The following CARD19 variants were observed in gnomAD, a reference collection of about 807,000 sequenced individuals.
The protein encoded by CARD19 is caspase recruitment domain-containing protein 19.
CARD19 carries 25 observed loss-of-function variants against 24.1 expected under a neutral mutation model. That is an observed-to-expected ratio of 1.04 (90% confidence interval 0.76 to 1.45). The LOEUF is 1.45. Ranked by LOEUF, CARD19 falls within the 40% of genes most tolerant of loss-of-function variation. The pLI is 0.00. For synonymous variants in CARD19, 103 were observed against 104.9 expected (o/e 0.98, Z 0.11); for missense variants, 241 against 247.4 (o/e 0.97, Z 0.17).
rs1054732937 is a variant in CARD19 at position 93,113,129 on chromosome 9, C to T, written c.*22C>T. On this transcript the variant is annotated 3_prime_UTR_variant, in exon 6 of 6. Coordinates refer to ENST00000375464, the MANE Select transcript of CARD19 (RefSeq NM_032310.5). ...CTGACAGACCCTGGACCCAGGGCCT[C>T]ACCTGCCACTCAACCAAAGAGTCCT... 6 of 1,482,418 alleles carry T rather than the reference C, an allele frequency of 4.0e-6. No homozygotes were observed. In the East Asian group the frequency reaches 1.5e-4, roughly 37 times the overall value. 91.8% of individuals were successfully genotyped at this position (1,482,418 alleles called of 1,614,324 possible). A position where few individuals can be genotyped will look rare whatever the true frequency, so the allele number is the denominator to read the frequency against.
chr9:93,110,689 T>G lies in CARD19; in HGVS notation c.272T>G (p.Leu91Arg), dbSNP rs1460012821. ...YRALYIHAQP[L>R]HSRLPSRHAL... ...GCCCTGTATATCCATGCCCAGCCCC[T>G]GCACAGCCGCCTGCCCAGCCGCCAC... Residue 91 changes from leucine to arginine, a missense_variant, in exon 3 of 6, where the codon CTG (leucine) becomes CGG (arginine). Leu to Arg is a moderately radical substitution (Grantham distance 102, BLOSUM62 -2). Transcript: ENST00000375464. 1 of 1,612,552 alleles carries G rather than the reference T, an allele frequency of 6.2e-7. No individual in the cohort carries two copies. Among genetic ancestry groups the G allele is most frequent in the South Asian group, 1.1e-5 (1 of 91,086 alleles).
In CARD19 at chr9:93,107,757, A is replaced by C. The variant is rs777400284; in HGVS notation, c.91A>C (p.Ile31Leu). ...GRLSEQQVDRIILQLNRYYPQ... is the reference protein window; with the variant it reads ...GRLSEQQVDRLILQLNRYYPQ... ...CTTGAGTGAGCAGCAGGTGGACAGG[A>C]TCATCCTCCAGCTGAACCGTTACTA... The change falls in exon 2 of 6, where the codon ATC becomes CTC. Residue 31 changes from isoleucine (I) to leucine (L), a missense_variant. Ile to Leu is a conservative substitution (Grantham distance 5). Coordinates refer to ENST00000375464, the MANE Select transcript of CARD19 (RefSeq NM_032310.5). 2 of 1,614,216 alleles carry C rather than the reference A, an allele frequency of 1.2e-6. No homozygotes were observed. Among genetic ancestry groups the C allele is most frequent in the South Asian group, 2.2e-5 (2 of 91,086 alleles).
In CARD19 at chr9:93,112,388, C is replaced by A. The variant is rs936380629; in HGVS notation, c.436+99C>A. On this transcript the variant is annotated intron_variant, in intron 5 of 5. Transcript: ENST00000375464. ...CCAATTTGGGACCCCTTGGCCTCTT[C>A]GTACCTCGGTGTCCACACTTGTGCA... is the stretch of plus-strand genomic sequence containing the variant. 1.1e-5 allele frequency: 11 copies of A among 971,870 alleles called. No individual in the cohort carries two copies. In the Admixed American group the frequency reaches 1.2e-4, roughly 11 times the overall value. 60.2% of individuals were successfully genotyped at this position (971,870 alleles called of 1,614,324 possible). A position where few individuals can be genotyped will look rare whatever the true frequency, so the allele number is the denominator to read the frequency against.
At chr9:93,104,178 C>T (rs1365199757) in intron 1 of CARD19, among the ~76,000 whole-genome samples, 1 of 152,148 alleles carries the variant, frequency 6.6e-6, no homozygotes, top group East Asian at 1.9e-4. Context: ...TCAATGTATA[C>T]TTCTTTTAAT....
intron 1 of CARD19, among the ~76,000 whole-genome samples, chr9:93,105,300 A>T (rs1456033979): frequency 2.0e-5 from 3 of 151,928 alleles, no homozygotes; most frequent in East Asian, 3.9e-4. Context: ...TGTTTGTTTG[A>T]GACAGAGTCT....
Position 93,107,824 on chromosome 9 carries a change from G to A in CARD19, c.150+8G>A. The A allele has an allele frequency of 1.2e-6, 2 of 1,614,188 alleles. No homozygotes were observed. The highest frequency in any genetic ancestry group is 1.1e-5 in the South Asian group (1 of 91,086). On this transcript the variant is annotated splice_region_variant and intron_variant, in intron 2 of 5. Coordinates refer to ENST00000375464, the MANE Select transcript of CARD19 (RefSeq NM_032310.5). ...AACAAGGAGGCGGAAAAGGTGCTGA[G>A]GAGGTGAGGGGGGTACCCGAGACAC...
At chr9:93,111,130 C>T in intron 3 of CARD19, 1 of 1,238,712 alleles carries the variant, frequency 8.1e-7, no homozygotes, top group Non-Finnish European at 1.0e-6. Flanking sequence ...ATTACCCAAC[C>T]CCATGACGGA....
In CARD19 at chr9:93,096,318, G is replaced by C. The variant is rs975552694; in HGVS notation, c.-28G>C. 1 of 1,225,548 alleles carries C rather than the reference G, an allele frequency of 8.2e-7. No homozygotes were observed. The highest frequency in any genetic ancestry group is 1.6e-5 in the African/African-American group (1 of 64,174). 75.9% of individuals were successfully genotyped at this position (1,225,548 alleles called of 1,614,324 possible). On this transcript the variant is annotated 5_prime_UTR_variant, in exon 1 of 6. Coordinates refer to ENST00000375464, the MANE Select transcript of CARD19 (RefSeq NM_032310.5). The surrounding 1 kb of genome is among the most constrained non-coding windows in gnomAD (Gnocchi z 5.4). ...ACGCGCGGCGGGGCAGACCGCTGGG[G>C]ACTGCGGGCGGCGCTGTGTCCGTCG...
intron 1 of CARD19, among the ~76,000 whole-genome samples, chr9:93,102,206 A>G (rs990301344): frequency 8.6e-5 from 13 of 151,526 alleles, no homozygotes; most frequent in Non-Finnish European, 1.6e-4. Context: ...AGGTGACCTC[A>G]GGTCATCTGC....
At chr9:93,111,296 C>T in intron 3 of CARD19, 2 of 1,148,586 alleles carry the variant, frequency 1.7e-6, no homozygotes, top group Admixed American at 4.5e-5. Flanking sequence ...TGCCAGTAGC[C>T]TGGGCCCACA....
intron 1 of CARD19, among the ~76,000 whole-genome samples, chr9:93,103,655 C>T (rs1401016897): frequency 6.6e-6 from 1 of 152,142 alleles, no homozygotes; most frequent in African/African-American, 2.4e-5. Context: ...TAACAGAACA[C>T]TTGAAACTGG....
intron 1 of CARD19, among the ~76,000 whole-genome samples, chr9:93,100,073 C>T (rs1007304460): frequency 3.3e-5 from 5 of 152,370 alleles, no homozygotes; most frequent in South Asian, 2.1e-4. Context: ...ACAGGGCGAG[C>T]GTACTGAGAC....
chr9:93,097,131 A>G (rs759152242), intron 1 of CARD19, among the ~76,000 whole-genome samples: 1 of 152,136 alleles, frequency 6.6e-6, no homozygotes, highest in Admixed American at 6.5e-5. Flanking sequence ...AAGGGACCCC[A>G]TGGCAGCCCG....
intron 1 of CARD19, among the ~76,000 whole-genome samples, chr9:93,098,614 G>T (rs1211532503): frequency 2.0e-5 from 3 of 152,216 alleles, no homozygotes; most frequent in African/African-American, 7.2e-5. Flanking sequence ...GCACTGAGAT[G>T]GTTTCCCTTC....
In CARD19 at chr9:93,107,816, G is replaced by A. The variant is rs750534342; in HGVS notation, c.150G>A (p.Lys50=). Residue 50 remains lysine, a splice_region_variant and synonymous_variant, in exon 2 of 6, where the codon AAG becomes AAA. Coordinates refer to ENST00000375464, the MANE Select transcript of CARD19 (RefSeq NM_032310.5). ...TCCTTACCAACAAGGAGGCGGAAAAGGTGCTGAGGAGGTGAGGGGGGTACC... is the reference window on the plus strand; with the variant it reads ...TCCTTACCAACAAGGAGGCGGAAAAAGTGCTGAGGAGGTGAGGGGGGTACC... ...PQILTNKEAE[K]FRNPKASLRV... 6.2e-7 allele frequency: 1 copy of A among 1,614,118 alleles called. No individual in the cohort carries two copies. Among genetic ancestry groups the A allele is most frequent in the South Asian group, 1.1e-5 (1 of 91,088 alleles).
chr9:93,101,543 G>T (rs1188745982), intron 1 of CARD19, among the ~76,000 whole-genome samples: 1 of 151,734 alleles, frequency 6.6e-6, no homozygotes, highest in Non-Finnish European at 1.5e-5. Flanking sequence ...GGGTTGAAGC[G>T]ATTCTCCTGC....
At chr9:93,106,574 A>AAAC (rs1827266024) in intron 1 of CARD19, among the ~76,000 whole-genome samples, 3 of 137,226 alleles carry the variant, frequency 2.2e-5, no homozygotes, top group African/African-American at 9.8e-5. Flanking sequence ...TCTCAAAAAA[A>AAAC]AACAAAAAAA....
chr9:93,098,582 G>C (rs1035910339), intron 1 of CARD19, among the ~76,000 whole-genome samples: 1 of 152,244 alleles, frequency 6.6e-6, no homozygotes, highest in Non-Finnish European at 1.5e-5. Flanking sequence ...AAACAGTTCA[G>C]GGACTTGTTT....
chr9:93,101,921 G>GAA (rs1827098357), intron 1 of CARD19, among the ~76,000 whole-genome samples: 11 of 148,944 alleles, frequency 7.4e-5, no homozygotes, highest in Admixed American at 6.0e-4. Context: ...TCTCATTGTG[G>GAA]TTTTTATTTG....
Sources: allele counts gnomAD v4.1 joint callset (sites outside exome capture counted in the v4.1 genomes callset), GRCh38; gene constraint gnomAD v4.1.1; non-coding constraint Gnocchi (gnomAD v3.1); transcripts MANE v1.5; gene names NCBI Gene and HGNC (gene_info 2026-07-23, HGNC 2026-07-21).